Variants in DNAH12 observed in about 807,000 individuals in gnomAD.
DNAH12 encodes the protein axonemal beta dynein heavy chain 12.
DNAH12 carries 285 observed loss-of-function variants against 371.5 expected under a neutral mutation model. The ratio of observed to expected loss-of-function variants is 0.77; its 90% confidence interval spans 0.70 to 0.85. The LOEUF (loss-of-function observed/expected upper bound fraction) is 0.85. Ranked by LOEUF, DNAH12 falls within the 40% of genes least tolerant of loss-of-function variation. DNAH12 has a pLI of 0.00. For synonymous variants in DNAH12, 1,200 were observed against 1,213.0 expected (o/e 0.99, Z 0.22); for missense variants, 3,611 against 3,689.4 (o/e 0.98, Z 0.55).
At chr3:57,372,412 T>C (rs2063194260) in intron 55 of DNAH12, among the ~76,000 whole-genome samples, 1 of 151,734 alleles carries the variant, frequency 6.6e-6, no homozygotes, top group East Asian at 1.9e-4. Flanking sequence ...AAATTAAGAG[T>C]TCCCAAAATG....
the DNAH12 span, among the ~76,000 whole-genome samples, chr3:57,554,657 C>T: frequency 1.8e-3 from 278 of 152,168 alleles, 3 homozygotes; most frequent in African/African-American, 6.3e-3. Flanking sequence ...CTCTTGTTGC[C>T]CAGGCTGGAG....
chr3:57,437,076 G>C lies in DNAH12; in HGVS notation c.4546-16C>G, dbSNP rs1224135186. 6.2e-6 allele frequency: 9 copies of C among 1,458,968 alleles called. No individual in the cohort carries two copies. The highest frequency in any genetic ancestry group is 1.4e-5 in the African/African-American group (1 of 69,418). The allele number at this position is 1,458,968 out of a possible 1,614,324, so 90.4% of individuals were successfully genotyped here. ...CCAAAAATTCCTGAAATAAAAAAAAGTAATGCATTTCTACAACACAATATT... is the reference window on the plus strand; with the variant it reads ...CCAAAAATTCCTGAAATAAAAAAAACTAATGCATTTCTACAACACAATATT... On this transcript the variant is annotated splice_polypyrimidine_tract_variant and intron_variant, in intron 29 of 73. Coordinates refer to ENST00000495027, the MANE Select transcript of DNAH12 (RefSeq NM_001366028.2).
intron 45 of DNAH12, among the ~76,000 whole-genome samples, chr3:57,390,370 A>G (rs2063589453): frequency 1.8e-5 from 2 of 110,080 alleles, no homozygotes; most frequent in African/African-American, 6.0e-5. Context: ...CTGTGATTGC[A>G]CCAGTGCACT....
intron 62 of DNAH12, among the ~76,000 whole-genome samples, chr3:57,326,680 T>A (rs150560531): frequency 7.9e-5 from 12 of 152,258 alleles, no homozygotes; most frequent in African/African-American, 2.6e-4. Context: ...GCTAACATCA[T>A]AATGACAGGT....
At chr3:57,505,151 A>G (rs1452417332) in intron 8 of DNAH12, among the ~76,000 whole-genome samples, 4 of 152,110 alleles carry the variant, frequency 2.6e-5, no homozygotes, top group Non-Finnish European at 5.9e-5. Context: ...GGCCTCTCAC[A>G]GTGCTGGGAT....
intron 33 of DNAH12, 48 bp from the exon 34 acceptor site, chr3:57,428,869 C>A: frequency 5.5e-6 from 8 of 1,457,188 alleles, no homozygotes; most frequent in Non-Finnish European, 7.3e-6. Context: ...ATACCAGTGG[C>A]ACCTGGCAAT....
chr3:57,353,472 T>C (rs1559581543), intron 59 of DNAH12, among the ~76,000 whole-genome samples: 7 of 152,172 alleles, frequency 4.6e-5, no homozygotes. Flanking sequence ...TTTTTGTATT[T>C]TTTGTAGAGA....
intron 59 of DNAH12, among the ~76,000 whole-genome samples, chr3:57,353,549 G>T (rs1020210914): frequency 1.3e-5 from 2 of 152,090 alleles, no homozygotes; most frequent in Admixed American, 1.3e-4. Flanking sequence ...AAACTAAAAA[G>T]CTTCTGCACA....
intron 60 of DNAH12, 109 bp from the exon 61 acceptor site, chr3:57,335,049 C>T: frequency 8.6e-7 from 1 of 1,168,820 alleles, no homozygotes; most frequent in South Asian, 1.8e-5. Flanking sequence ...TACTTACCCA[C>T]CTGCTGTAAA....
At chr3:57,461,341 T>C in intron 19 of DNAH12, 148 bp downstream of exon 19, 1 of 618,928 alleles carries the variant, frequency 1.6e-6, no homozygotes, top group Non-Finnish European at 2.7e-6. Context: ...TTGTATTTTA[T>C]GAAATAAAAT....
At chr3:57,404,545 A>G (rs886323608) in intron 42 of DNAH12, among the ~76,000 whole-genome samples, 8 of 151,882 alleles carry the variant, frequency 5.3e-5, no homozygotes, top group Non-Finnish European at 1.2e-4. Flanking sequence ...GTGAAACCCC[A>G]TCTCTACTAA....
intron 47 of DNAH12, among the ~76,000 whole-genome samples, chr3:57,386,164 T>C (rs1370891992): frequency 6.6e-6 from 1 of 152,152 alleles, no homozygotes; most frequent in African/African-American, 2.4e-5. Flanking sequence ...TCTTAAATGG[T>C]AAAAAATTAA....
chr3:57,474,399 C>T (rs147422258), intron 13 of DNAH12, among the ~76,000 whole-genome samples: 6,455 of 152,142 alleles, frequency 0.042, 186 homozygotes, highest in Non-Finnish European at 0.063. Flanking sequence ...CAGGTTCAAG[C>T]GATTCTCTTG....
intron 17 of DNAH12, among the ~76,000 whole-genome samples, chr3:57,466,283 G>A (rs1448145518): frequency 6.6e-6 from 1 of 152,084 alleles, no homozygotes; most frequent in Non-Finnish European, 1.5e-5. Context: ...ATAAAACTCT[G>A]GAACTATACA....
At chr3:57,520,204 C>T (rs1231384195) in intron 4 of DNAH12, among the ~76,000 whole-genome samples, 1 of 152,096 alleles carries the variant, frequency 6.6e-6, no homozygotes, top group East Asian at 1.9e-4. Flanking sequence ...CGTCTGCCTC[C>T]GGAGTTCAAG....
Position 57,310,718 on chromosome 3 carries a change from T to C in DNAH12, c.10895A>G (p.Lys3632Arg). 2 of 1,544,978 alleles carry C rather than the reference T, an allele frequency of 1.3e-6. No homozygotes were observed. The highest frequency in any genetic ancestry group is 1.8e-6 in the Non-Finnish European group (2 of 1,141,338). Residue 3632 changes from lysine (K) to arginine (R), a missense_variant and splice_region_variant, in exon 67 of 74, where the codon AAG (lysine) becomes AGG (arginine). Lys to Arg is a conservative substitution (Grantham distance 26). Coordinates refer to ENST00000495027, the MANE Select transcript of DNAH12 (RefSeq NM_001366028.2). Reference protein sequence around the residue: ...GTYEDYIEFIKKLPFTQHPEI... With the variant: ...GTYEDYIEFIRKLPFTQHPEI... ...CCTTATTTTTGGTGACATCATTACC[T>C]TAATGAATTCAATGTAGTCCTCATA...
intron 70 of DNAH12, 102 bp from the exon 71 acceptor site, chr3:57,297,086 T>C: frequency 7.3e-7 from 1 of 1,364,460 alleles, no homozygotes; most frequent in South Asian, 1.4e-5. Context: ...GTTGCCCACA[T>C]TTTCCATCAC....
At chr3:57,318,444 C>T (rs2061732989) in intron 65 of DNAH12, among the ~76,000 whole-genome samples, 1 of 152,020 alleles carries the variant, frequency 6.6e-6, no homozygotes, top group Non-Finnish European at 1.5e-5. Context: ...TTCTTGGCAC[C>T]TTTGTCAAAG....
chr3:57,406,699 C>A (rs1439475491), intron 40 of DNAH12, among the ~76,000 whole-genome samples: 1 of 152,128 alleles, frequency 6.6e-6, no homozygotes, highest in Non-Finnish European at 1.5e-5. Flanking sequence ...CTACAATCAA[C>A]TTCAAAATAA....
Sources: allele counts gnomAD v4.1 joint callset (sites outside exome capture counted in the v4.1 genomes callset), GRCh38; gene constraint gnomAD v4.1.1; transcripts MANE v1.5; gene names NCBI Gene and HGNC (gene_info 2026-07-23, HGNC 2026-07-21).